IHO1: variants seen among roughly 807,000 people sequenced by gnomAD.
IHO1 encodes the protein interactor of HORMAD1 protein 1.
A neutral mutation model predicts 31.0 loss-of-function variants in IHO1; 13 were observed. The ratio of observed to expected loss-of-function variants is 0.42; its 90% confidence interval spans 0.27 to 0.67. IHO1 has a LOEUF of 0.67. Among genes scored for constraint, IHO1 ranks in the 30% least tolerant of loss-of-function variants. The pLI, the probability that IHO1 is intolerant of heterozygous loss-of-function variation, is 0.24. For synonymous variants in IHO1, 221 were observed against 248.4 expected (o/e 0.89, Z 1.04); for missense variants, 599 against 687.5 (o/e 0.87, Z 1.44).
chr3:49,237,063 A>G (rs1301970817), intron 3 of IHO1, among the ~76,000 whole-genome samples: 2 of 151,862 alleles, frequency 1.3e-5, no homozygotes, highest in African/African-American at 4.8e-5. Context: ...AAAAAAAACA[A>G]ACAAGGCCAG....
chr3:49,195,654 C>T (rs758928212), upstream of IHO1, among the ~76,000 whole-genome samples: 1 of 151,836 alleles, frequency 6.6e-6, no homozygotes, highest in African/African-American at 2.4e-5. Flanking sequence ...ACCGAGCTTG[C>T]AGTGAGCTGA....
intron 2 of IHO1, among the ~76,000 whole-genome samples, chr3:49,221,794 G>A (rs938956327): frequency 3.9e-5 from 6 of 152,218 alleles, no homozygotes; most frequent in Admixed American, 6.5e-5. Flanking sequence ...CACAGGGCCC[G>A]AAGGCGAGTA....
At chr3:49,244,307 G>C in intron 4 of IHO1, 97 bp from the exon 5 acceptor site, 1 of 780,298 alleles carries the variant, frequency 1.3e-6, no homozygotes, top group South Asian at 1.5e-5. Context: ...TTGATGCTAT[G>C]CTAGGTAGAG....
At chr3:49,199,914 C>T (rs779090451) in intron 1 of IHO1, 1 of 152,198 alleles carries the variant, frequency 6.6e-6, no homozygotes, top group Non-Finnish European at 1.5e-5. Context: ...GAGAAGCCCG[C>T]TGGGATTTCT....
chr3:49,209,221 G>A (rs2046177774), intron 1 of IHO1, among the ~76,000 whole-genome samples: 4 of 152,184 alleles, frequency 2.6e-5, no homozygotes, highest in African/African-American at 9.7e-5. Flanking sequence ...GGGGGAGTTT[G>A]GTCATGTAGA....
intron 4 of IHO1, among the ~76,000 whole-genome samples, 173 bp from the exon 5 acceptor site, chr3:49,244,231 T>C (rs374239002): frequency 2.1e-4 from 32 of 151,944 alleles, no homozygotes; most frequent in African/African-American, 6.0e-4. Context: ...GGGACTCTCT[T>C]TTTTTTTCCC....
At chr3:49,231,189 A>G (rs1182280611) in intron 2 of IHO1, among the ~76,000 whole-genome samples, 2 of 152,228 alleles carry the variant, frequency 1.3e-5, no homozygotes, top group Non-Finnish European at 2.9e-5. Flanking sequence ...TTACATGGAT[A>G]TGATCTTGGA....
intron 1 of IHO1, among the ~76,000 whole-genome samples, chr3:49,208,459 A>G (rs2046168491): frequency 6.6e-6 from 1 of 152,202 alleles, no homozygotes; most frequent in Non-Finnish European, 1.5e-5. Context: ...CTAATGCCTG[A>G]TGATCTGAGG....
intron 2 of IHO1, among the ~76,000 whole-genome samples, chr3:49,217,642 TAAAA>T (rs3083866): frequency 5.4e-5 from 8 of 147,262 alleles, no homozygotes; most frequent in East Asian, 2.0e-4. Context: ...TAAAGTATAA[TAAAA>T]AAAAAAAAAA....
At position 49,211,070 on chromosome 3, in the gene IHO1, C is replaced by T. The variant is rs1461901015; in HGVS notation, c.-15-696C>T. 4.8e-5 allele frequency among the ~76,000 whole-genome samples: 7 copies of T among 145,350 alleles called. 1 individual carries two copies. Among genetic ancestry groups the T allele is most frequent in the African/African-American group, 1.5e-4 (6 of 38,896 alleles). On this transcript the variant is annotated intron_variant, in intron 1 of 7. Coordinates refer to ENST00000452691, the MANE Select transcript of IHO1 (RefSeq NM_001135197.2). ...TCGCCCAGGCTGGAGTGCAGTGGCG[C>T]GATCTCGGCTCACTGCAAGCTCCAC...
At chr3:49,226,265 C>T (rs1315186193) in intron 2 of IHO1, among the ~76,000 whole-genome samples, 1 of 152,122 alleles carries the variant, frequency 6.6e-6, no homozygotes, top group Admixed American at 6.6e-5. Context: ...TTAATAATGC[C>T]TCCAGATTTT....
chr3:49,209,825 C>T (rs2046185586), intron 1 of IHO1, among the ~76,000 whole-genome samples: 1 of 151,310 alleles, frequency 6.6e-6, no homozygotes, highest in Non-Finnish European at 1.5e-5. Context: ...TGCCATTCTC[C>T]TGCCTCAGCC....
chr3:49,208,938 A>G (rs186375450), intron 1 of IHO1, among the ~76,000 whole-genome samples: 7 of 152,100 alleles, frequency 4.6e-5, no homozygotes, highest in African/African-American at 1.7e-4. Flanking sequence ...TGATCTAAAG[A>G]CCTCTTGTGT....
intron 2 of IHO1, chr3:49,213,865 G>A (rs1015683663): frequency 1.2e-5 from 3 of 248,710 alleles, no homozygotes; most frequent in African/African-American, 4.5e-5. Context: ...TCTGACCTCG[G>A]CTAGCCCAGA....
chr3:49,255,364 GT>G, intron 6 of IHO1, 25 bp from the exon 7 acceptor site: 2 of 1,504,088 alleles, frequency 1.3e-6, no homozygotes, highest in South Asian at 2.4e-5. Context: ...TCTTCAGGAG[GT>G]GAACTGTCAC....
intron 2 of IHO1, among the ~76,000 whole-genome samples, chr3:49,223,367 C>T (rs989090476): frequency 6.6e-6 from 1 of 152,144 alleles, no homozygotes; most frequent in African/African-American, 2.4e-5. Flanking sequence ...CCCTAGTGCC[C>T]TCGAAATTCC....
chr3:49,211,558 G>A (rs1298296517), intron 1 of IHO1, among the ~76,000 whole-genome samples: 2 of 151,538 alleles, frequency 1.3e-5, no homozygotes, highest in African/African-American at 2.4e-5. Flanking sequence ...AGGAGGCAAA[G>A]GTTGCAGTGA....
At chr3:49,230,619 A>T (rs2046469455) in intron 2 of IHO1, among the ~76,000 whole-genome samples, 1 of 152,122 alleles carries the variant, frequency 6.6e-6, no homozygotes. Flanking sequence ...GCCCCCACTC[A>T]AGAAATATTG....
upstream of IHO1, among the ~76,000 whole-genome samples, chr3:49,194,828 C>T (rs934685867): frequency 6.6e-6 from 1 of 151,764 alleles, no homozygotes; most frequent in Non-Finnish European, 1.5e-5. Context: ...CCCGGGAGGG[C>T]GAGGCAGCAG....
Sources: allele counts gnomAD v4.1 joint callset (sites outside exome capture counted in the v4.1 genomes callset), GRCh38; gene constraint gnomAD v4.1.1; transcripts MANE v1.5; gene names NCBI Gene and HGNC (gene_info 2026-07-23, HGNC 2026-07-21).